PDCD10: variants seen among roughly 807,000 people sequenced by gnomAD.
PDCD10 encodes the protein programmed cell death protein 10.
In PDCD10, 4 loss-of-function variants were observed where a neutral mutation model predicts 29.2. That is an observed-to-expected ratio of 0.14 (90% CI 0.07 to 0.31). PDCD10 has a LOEUF of 0.31. Among genes scored for constraint, PDCD10 ranks in the 10% least tolerant of loss-of-function variants. The pLI is 1.00. For synonymous variants in PDCD10, 70 were observed against 82.2 expected (o/e 0.85, Z 0.80); for missense variants, 183 against 257.9 (o/e 0.71, Z 1.99).
chr3:167,690,389 A>C (rs1720096600), intron 6 of PDCD10, among the ~76,000 whole-genome samples: 2 of 152,190 alleles, frequency 1.3e-5, no homozygotes, highest in African/African-American at 4.8e-5. Flanking sequence ...ACTCTGAAAA[A>C]ATCTATTCTG....
chr3:167,717,181 A>C (rs1449933912), intron 3 of PDCD10, among the ~76,000 whole-genome samples: 2 of 152,016 alleles, frequency 1.3e-5, no homozygotes, highest in Non-Finnish European at 2.9e-5. Context: ...TCTAGCAAAC[A>C]TCGAACTTCC....
At chr3:167,725,766 TATATATATATATATATA>T (rs1724074860) in intron 2 of PDCD10, among the ~76,000 whole-genome samples, 3 of 6,436 alleles carry the variant, frequency 4.7e-4, no homozygotes, top group Non-Finnish European at 9.3e-4. Flanking sequence ...GTATCGTTTA[TATATATATATATATATA>T]TATATATATA....
At chr3:167,703,430 T>C (rs1721643848) in intron 4 of PDCD10, among the ~76,000 whole-genome samples, 1 of 152,092 alleles carries the variant, frequency 6.6e-6, no homozygotes, top group Admixed American at 6.5e-5. Context: ...ATGTAGATTA[T>C]TAAAGTAATA....
chr3:167,712,618 T>C (rs1722626319), intron 3 of PDCD10, among the ~76,000 whole-genome samples: 2 of 151,954 alleles, frequency 1.3e-5, no homozygotes, highest in Non-Finnish European at 1.5e-5. Flanking sequence ...TCCTTACTTA[T>C]CAATAATAGC....
intron 3 of PDCD10, among the ~76,000 whole-genome samples, chr3:167,715,356 T>A (rs1051838959): frequency 6.6e-6 from 1 of 151,662 alleles, no homozygotes; most frequent in Non-Finnish European, 1.5e-5. Flanking sequence ...ATAGTGTGGG[T>A]AAAAATTTCT....
At chr3:167,697,311 CTT>C (rs1282875591) in intron 4 of PDCD10, among the ~76,000 whole-genome samples, 185 bp from the exon 5 acceptor site, 1 of 152,152 alleles carries the variant, frequency 6.6e-6, no homozygotes, top group Non-Finnish European at 1.5e-5. Flanking sequence ...GCACCCGACT[CTT>C]TACTATGACT....
chr3:167,687,561 T>C, intron 7 of PDCD10, 54 bp downstream of exon 7: 2 of 987,350 alleles, frequency 2.0e-6, no homozygotes, highest in Non-Finnish European at 3.3e-6. Context: ...ATAAAACAAC[T>C]AGGCATAAAC....
At chr3:167,728,969 G>A (rs778760783) in intron 2 of PDCD10, among the ~76,000 whole-genome samples, 6 of 152,104 alleles carry the variant, frequency 3.9e-5, no homozygotes, top group Non-Finnish European at 7.4e-5. Flanking sequence ...ACATTTGTTT[G>A]AAGAAAACAA....
At chr3:167,695,983 AAAAAAAAAAACACAC>A (rs555024988) in intron 5 of PDCD10, among the ~76,000 whole-genome samples, 58 of 74,474 alleles carry the variant, frequency 7.8e-4, no homozygotes, top group Non-Finnish European at 1.4e-3. Context: ...TGAAATCTTA[AAAAAAAAAAACACAC>A]AAAAAAAAAA....
chr3:167,729,181 C>A (rs1724532844), intron 2 of PDCD10, among the ~76,000 whole-genome samples: 1 of 151,988 alleles, frequency 6.6e-6, no homozygotes, highest in Non-Finnish European at 1.5e-5. Context: ...TTTCTTTTTT[C>A]AATATGGTCT....
chr3:167,697,025 T>A lies in PDCD10; in HGVS notation c.252A>T (p.Ala84=), dbSNP rs774241326. 1 of 1,567,236 alleles carries A rather than the reference T, an allele frequency of 6.4e-7. No individual in the cohort carries two copies. The highest frequency in any genetic ancestry group is 8.8e-7 in the Non-Finnish European group (1 of 1,137,190). ...GTCCGTTACCTTCTACATCATCAGC[T>A]GCCATACGAAGAAGGGACTCCGTGA... ...VNFTESLLRM[A]ADDVEEYMIE... Residue 84 remains alanine (A), a synonymous_variant, in exon 5 of 9, where the codon GCA becomes GCT. Transcript: ENST00000392750.
At chr3:167,710,583 G>A (rs571646382) in intron 3 of PDCD10, among the ~76,000 whole-genome samples, 47 of 152,338 alleles carry the variant, frequency 3.1e-4, no homozygotes, top group African/African-American at 8.9e-4. Context: ...CTTAATTCTT[G>A]GCCCCCAGAG....
chr3:167,718,832 T>C (rs1345117948), intron 3 of PDCD10, among the ~76,000 whole-genome samples: 1 of 151,804 alleles, frequency 6.6e-6, no homozygotes, highest in Non-Finnish European at 1.5e-5. Flanking sequence ...GAGTTTCTCA[T>C]ACTGAGTCAT....
At chr3:167,721,006 T>A (rs749960571) in intron 2 of PDCD10, among the ~76,000 whole-genome samples, 6 of 152,036 alleles carry the variant, frequency 3.9e-5, no homozygotes, top group Non-Finnish European at 5.9e-5. Flanking sequence ...AATTCAACAA[T>A]AAAAGAAATT....
intron 2 of PDCD10, among the ~76,000 whole-genome samples, chr3:167,722,623 C>T (rs1723694048): frequency 6.6e-6 from 1 of 152,048 alleles, no homozygotes; most frequent in Admixed American, 6.6e-5. Flanking sequence ...AGAGAGTGAG[C>T]TGGTAAGTTT....
At chr3:167,733,795 C>G (rs1438445813) in intron 2 of PDCD10, among the ~76,000 whole-genome samples, 1 of 152,110 alleles carries the variant, frequency 6.6e-6, no homozygotes. Context: ...TATTGTTTAA[C>G]TGTTGTTCTC....
intron 4 of PDCD10, chr3:167,697,747 G>A (rs890579763): frequency 3.9e-6 from 1 of 259,250 alleles, no homozygotes; most frequent in African/African-American, 2.3e-5. Flanking sequence ...ACTACCTTTT[G>A]AGCTTGTTTC....
At chr3:167,691,643 A>T (rs1720253989) in intron 6 of PDCD10, among the ~76,000 whole-genome samples, 1 of 152,220 alleles carries the variant, frequency 6.6e-6, no homozygotes, top group African/African-American at 2.4e-5. Context: ...CTACATTTCT[A>T]TGCCAGTTTC....
At chr3:167,706,292 T>C (rs1721952655) in intron 3 of PDCD10, among the ~76,000 whole-genome samples, 1 of 152,218 alleles carries the variant, frequency 6.6e-6, no homozygotes, top group African/African-American at 2.4e-5. Flanking sequence ...TTCACCAAAA[T>C]TCTGTTGGGA....
Sources: allele counts gnomAD v4.1 joint callset (sites outside exome capture counted in the v4.1 genomes callset), GRCh38; gene constraint gnomAD v4.1.1; transcripts MANE v1.5; gene names NCBI Gene and HGNC (gene_info 2026-07-23, HGNC 2026-07-21).